DLGAP2: variants seen among roughly 807,000 people sequenced by gnomAD.
DLGAP2 encodes disks large-associated protein 2.
In DLGAP2, 26 loss-of-function variants were observed where a neutral mutation model predicts 100.3. The ratio of observed to expected loss-of-function variants is 0.26; its 90% CI spans 0.19 to 0.36. DLGAP2 has a LOEUF of 0.36. Ranked by LOEUF, DLGAP2 falls within the 10% of genes least tolerant of loss-of-function variation. DLGAP2 has a pLI of 1.00. For synonymous variants in DLGAP2, 886 were observed against 630.1 expected, an observed-to-expected ratio of 1.41 and a Z score of -6.08; for missense variants, 1,858 against 1,453.2, an observed-to-expected ratio of 1.28 and a Z score of -4.53.
chr8:1,344,738 G>T (rs773232526), intron 3 of DLGAP2, among the ~76,000 whole-genome samples: 1 of 152,168 alleles, frequency 6.6e-6, no homozygotes, highest in Non-Finnish European at 1.5e-5. Flanking sequence ...CGCTGTGCTC[G>T]GCTCCATTTT....
chr8:1,000,489 G>A lies in DLGAP2; in HGVS notation c.73+92523G>A, dbSNP rs189092634. ...GATTTTCTCTAGAGCGGACAGATCCGGGTGGGGGTGGTTTTCTTTTGCAAT... is the reference window on the plus strand; with the variant it reads ...GATTTTCTCTAGAGCGGACAGATCCAGGTGGGGGTGGTTTTCTTTTGCAAT... On this transcript the variant is annotated intron_variant, in intron 2 of 14. Coordinates refer to ENST00000637795, the MANE Select transcript of DLGAP2 (RefSeq NM_001346810.2). Among the ~76,000 whole-genome samples the A allele has an allele frequency of 6.0e-4, 90 of 151,148 alleles. 3 individuals are homozygous for A. Among genetic ancestry groups the A allele is most frequent in the East Asian group, 2.0e-4 (1 of 5,084 alleles).
chr8:1,337,810 G>A (rs1801323434), intron 3 of DLGAP2, among the ~76,000 whole-genome samples: 1 of 152,212 alleles, frequency 6.6e-6, no homozygotes, highest in South Asian at 2.1e-4. Context: ...GAAGACTCTA[G>A]TGTCTGGGTT....
chr8:858,065 C>T (rs901281628), intron 1 of DLGAP2, among the ~76,000 whole-genome samples: 2 of 152,144 alleles, frequency 1.3e-5, no homozygotes, highest in African/African-American at 4.8e-5. Flanking sequence ...CCGTGTTGGC[C>T]AGGCTGGTCT....
In DLGAP2 at chr8:1,514,700, G is replaced by A. The variant is rs560284363; in HGVS notation, c.172+13269G>A. The stretch of plus-strand genomic sequence containing the variant: ...CATTCTAAAGGAGGGGACAGCACGT[G>A]ACAGAACGAGTCCCACAGTCAGTGA... On this transcript the variant is annotated intron_variant, in intron 4 of 14. Coordinates refer to ENST00000637795, the MANE Select transcript of DLGAP2 (RefSeq NM_001346810.2). 7.9e-5 allele frequency among the ~76,000 whole-genome samples: 12 copies of A among 152,338 alleles called. No homozygotes were observed. In the South Asian group the frequency reaches 2.5e-3, roughly 32 times the overall value.
chr8:1,300,718 G>A (rs10092608), intron 3 of DLGAP2: 54,257 of 152,048 alleles, frequency 0.36, 10,209 homozygotes, highest in African/African-American at 0.42. Context: ...CATCCCTCGT[G>A]TTTTCTGAGA....
chr8:1,217,346 C>T (rs1798234825), intron 2 of DLGAP2, among the ~76,000 whole-genome samples: 1 of 152,102 alleles, frequency 6.6e-6, no homozygotes, highest in African/African-American at 2.4e-5. Context: ...ATTTTCTGTA[C>T]CTAGTTCATC....
chr8:1,011,526 T>A (rs2129020942), intron 2 of DLGAP2, among the ~76,000 whole-genome samples: 2 of 146,942 alleles, frequency 1.4e-5, no homozygotes, highest in South Asian at 2.2e-4. Flanking sequence ...CAGTGAGCCC[T>A]GGAATGAGGA....
intron 2 of DLGAP2, among the ~76,000 whole-genome samples, chr8:1,189,117 G>A (rs892832047): frequency 4.8e-5 from 7 of 144,924 alleles, no homozygotes; most frequent in Non-Finnish European, 7.4e-5. Flanking sequence ...CACAGGGTTC[G>A]GGCCCCATGG....
intron 3 of DLGAP2, among the ~76,000 whole-genome samples, chr8:1,351,329 G>C (rs1465793800): frequency 1.3e-5 from 1 of 74,494 alleles, no homozygotes; most frequent in Admixed American, 1.5e-4. Context: ...AAGGCCGTGC[G>C]GGTCCTGAGT....
At chr8:890,375 C>T (rs1438453361) in intron 1 of DLGAP2, among the ~76,000 whole-genome samples, 2 of 152,124 alleles carry the variant, frequency 1.3e-5, no homozygotes, top group African/African-American at 2.4e-5. Context: ...TTCTGTGATT[C>T]TTTGACTTCC....
At chr8:1,066,163 G>A (rs1022984159) in intron 2 of DLGAP2, among the ~76,000 whole-genome samples, 10 of 151,566 alleles carry the variant, frequency 6.6e-5, no homozygotes, top group African/African-American at 2.4e-4. Flanking sequence ...AGTCAGGTAT[G>A]AGCGAGGACA....
chr8:955,821 C>G (rs529584910), intron 2 of DLGAP2, among the ~76,000 whole-genome samples: 18 of 152,138 alleles, frequency 1.2e-4, no homozygotes, highest in South Asian at 4.1e-4. Context: ...AATGTGGTGC[C>G]CTTGCCATTT....
chr8:1,479,666 CA>C (rs1323619331), intron 3 of DLGAP2, among the ~76,000 whole-genome samples: 4 of 152,250 alleles, frequency 2.6e-5, no homozygotes, highest in Non-Finnish European at 5.9e-5. Context: ...TGTCCTTTAT[CA>C]TTCCTATTAT....
intron 2 of DLGAP2, among the ~76,000 whole-genome samples, chr8:1,172,679 C>T (rs1015679045): frequency 2.0e-5 from 3 of 152,190 alleles, no homozygotes; most frequent in Non-Finnish European, 2.9e-5. Context: ...ATCACATCGG[C>T]TCCTGGGGCT....
intron 3 of DLGAP2, among the ~76,000 whole-genome samples, chr8:1,333,393 C>G (rs1801201742): frequency 6.6e-6 from 1 of 152,166 alleles, no homozygotes; most frequent in Non-Finnish European, 1.5e-5. Flanking sequence ...CTGCCATATT[C>G]TAATGTCCAG....
intron 2 of DLGAP2, among the ~76,000 whole-genome samples, chr8:1,214,231 C>G (rs1347322926): frequency 6.6e-6 from 1 of 152,224 alleles, no homozygotes. Flanking sequence ...AATGCCCCTC[C>G]TCAGCAAGTC....
At chr8:879,352 T>C (rs953990904) in intron 1 of DLGAP2, among the ~76,000 whole-genome samples, 6 of 152,228 alleles carry the variant, frequency 3.9e-5, no homozygotes, top group Non-Finnish European at 5.9e-5. Context: ...CACTGTCTGC[T>C]TGGGGAGCGT....
rs535498606 is a variant in DLGAP2, at chr8:1,044,482, G to T, written c.73+136516G>T. Among the ~76,000 whole-genome samples, 9 of 152,310 alleles carry T rather than the reference G, an allele frequency of 5.9e-5. No individual in the cohort carries two copies. The East Asian group carries it at 1.7e-3, about 30-fold the overall frequency. On this transcript the variant is annotated intron_variant, in intron 2 of 14. Transcript: ENST00000637795. Reference sequence around the variant, plus strand: ...ACCTGCGTGACCACCTGGCTTAAACGCAGTCCTAGCGCTGAAATCTGTGCC... The same window carrying T: ...ACCTGCGTGACCACCTGGCTTAAACTCAGTCCTAGCGCTGAAATCTGTGCC...
At chr8:1,242,731 T>A (rs951927089) in intron 2 of DLGAP2, among the ~76,000 whole-genome samples, 1 of 152,102 alleles carries the variant, frequency 6.6e-6, no homozygotes, top group Non-Finnish European at 1.5e-5. Flanking sequence ...TGGATGGATG[T>A]ATGTATGGAC....
Sources: allele counts gnomAD v4.1 joint callset (sites outside exome capture counted in the v4.1 genomes callset), GRCh38; gene constraint gnomAD v4.1.1; transcripts MANE v1.5; gene names NCBI Gene and HGNC (gene_info 2026-07-23, HGNC 2026-07-21).